Variants in DPP6 observed in about 807,000 individuals in gnomAD.
DPP6 encodes dipeptidyl peptidase like 6.
Under a neutral mutation model 122.6 loss-of-function variants are expected in DPP6, and 69 were observed. The ratio of observed to expected loss-of-function variants is 0.56; its 90% CI spans 0.46 to 0.69. The LOEUF (loss-of-function observed/expected upper bound fraction) is 0.69, where lower values mean the gene tolerates loss of function less well. DPP6 is among the 30% of genes least tolerant of loss of function. The pLI is 0.00. For missense variants in DPP6, 928 were observed against 1,116.9 expected, an observed-to-expected ratio of 0.83 and a Z score of 2.41; for synonymous variants, 418 against 433.1, an observed-to-expected ratio of 0.97 and a Z score of 0.43.
intron 1 of DPP6, among the ~76,000 whole-genome samples, chr7:154,099,908 CTGAGAG>C (rs1805611920): frequency 1.4e-5 from 2 of 138,284 alleles, no homozygotes; most frequent in Admixed American, 1.4e-4. Flanking sequence ...GGTGAAAGCA[CTGAGAG>C]TGTGTTCTGC....
intron 1 of DPP6, among the ~76,000 whole-genome samples, chr7:153,903,852 C>A (rs529798820): frequency 1.3e-5 from 2 of 152,082 alleles, no homozygotes; most frequent in African/African-American, 4.8e-5. Context: ...CTTTCTGTAT[C>A]CCAGGAAGTC....
At chr7:154,324,542 G>A (rs949407447) in intron 1 of DPP6, among the ~76,000 whole-genome samples, 1 of 152,144 alleles carries the variant, frequency 6.6e-6, no homozygotes, top group African/African-American at 2.4e-5. Context: ...CAGCATGACC[G>A]CCGGGTCTCC....
At chr7:154,724,505 C>G (rs1841970103) in intron 7 of DPP6, among the ~76,000 whole-genome samples, 1 of 152,212 alleles carries the variant, frequency 6.6e-6, no homozygotes, top group Admixed American at 6.5e-5. Flanking sequence ...GCCTGGCTCC[C>G]TTCTCTTCGC....
intron 1 of DPP6, among the ~76,000 whole-genome samples, chr7:154,139,014 A>G (rs529749205): frequency 1.4e-3 from 216 of 152,238 alleles, no homozygotes; most frequent in Non-Finnish European, 2.7e-3. Flanking sequence ...CTCTAAGAGC[A>G]GAGGAAGTAG....
At chr7:154,533,717 G>A (rs540545937) in intron 3 of DPP6, among the ~76,000 whole-genome samples, 1 of 152,212 alleles carries the variant, frequency 6.6e-6, no homozygotes, top group South Asian at 2.1e-4. Context: ...TCAACAATAG[G>A]CCTGGCATGG....
At chr7:154,179,407 T>C (rs1188302467) in intron 1 of DPP6, among the ~76,000 whole-genome samples, 1 of 152,106 alleles carries the variant, frequency 6.6e-6, no homozygotes, top group Non-Finnish European at 1.5e-5. Flanking sequence ...AATTAGAAAG[T>C]ATGGGTCTTA....
chr7:154,795,969 T>A, intron 12 of DPP6, 86 bp downstream of exon 12: 1 of 1,521,970 alleles, frequency 6.6e-7, no homozygotes, highest in Non-Finnish European at 8.8e-7. Flanking sequence ...AACAGCAGAA[T>A]GGCTTCTCAG....
intron 1 of DPP6, among the ~76,000 whole-genome samples, chr7:154,096,592 C>A (rs1805337310): frequency 6.6e-6 from 1 of 151,992 alleles, no homozygotes; most frequent in African/African-American, 2.4e-5. Context: ...TAAAATATTT[C>A]ATAATTAAAG....
chr7:153,783,655 C>T, the DPP6 span, among the ~76,000 whole-genome samples: 1 of 152,134 alleles, frequency 6.6e-6, no homozygotes, highest in Admixed American at 6.6e-5. Context: ...CTACCCAAAC[C>T]CTTTTAAAAT....
chr7:154,220,666 G>A (rs1319403294), intron 1 of DPP6, among the ~76,000 whole-genome samples: 2 of 152,182 alleles, frequency 1.3e-5, no homozygotes, highest in African/African-American at 4.8e-5. Flanking sequence ...GTTGGCACCT[G>A]GATCTTGGAA....
the DPP6 span, among the ~76,000 whole-genome samples, chr7:153,782,451 G>T: frequency 6.6e-6 from 1 of 152,208 alleles, no homozygotes; most frequent in African/African-American, 2.4e-5. Flanking sequence ...GCATCACAGA[G>T]AAAGAGAGCA....
At chr7:154,463,381 G>A (rs1439849793) in intron 2 of DPP6, among the ~76,000 whole-genome samples, 1 of 151,526 alleles carries the variant, frequency 6.6e-6, no homozygotes, top group African/African-American at 2.4e-5. Flanking sequence ...CTAATTTTTT[G>A]TGTTTTTAGT....
At chr7:154,124,294 T>C (rs1194958690) in intron 1 of DPP6, among the ~76,000 whole-genome samples, 1 of 152,192 alleles carries the variant, frequency 6.6e-6, no homozygotes, top group Non-Finnish European at 1.5e-5. Flanking sequence ...ATCCCTTGGC[T>C]GAAGCAGAGT....
At chr7:154,650,868 G>T (rs1327104410) in intron 6 of DPP6, among the ~76,000 whole-genome samples, 1 of 152,180 alleles carries the variant, frequency 6.6e-6, no homozygotes, top group Non-Finnish European at 1.5e-5. Context: ...AGTAGAGGGA[G>T]GTTGGAAGGA....
intron 1 of DPP6, among the ~76,000 whole-genome samples, chr7:154,075,203 G>T (rs1803470817): frequency 6.6e-6 from 1 of 151,712 alleles, no homozygotes; most frequent in African/African-American, 2.4e-5. Flanking sequence ...TACACTGCTT[G>T]TAGGAATGTA....
At chr7:154,121,826 G>A (rs539597896) in intron 1 of DPP6, among the ~76,000 whole-genome samples, 1 of 152,192 alleles carries the variant, frequency 6.6e-6, no homozygotes, top group Non-Finnish European at 1.5e-5. Flanking sequence ...GAGCATGCCA[G>A]TGTCATGTCC....
chr7:154,581,021 G>A (rs1048899876), intron 5 of DPP6, among the ~76,000 whole-genome samples: 5 of 152,020 alleles, frequency 3.3e-5, no homozygotes, highest in Admixed American at 6.6e-5. Context: ...TGTTCCCTCC[G>A]CTCCCAGACT....
At chr7:153,924,542 C>G (rs1158946707) in intron 1 of DPP6, among the ~76,000 whole-genome samples, 2 of 152,162 alleles carry the variant, frequency 1.3e-5, no homozygotes, top group East Asian at 1.9e-4. Context: ...AGATCTTATT[C>G]AATCTTTTAA....
chr7:154,356,098 A>G (rs1450960017), intron 1 of DPP6, among the ~76,000 whole-genome samples: 1 of 152,150 alleles, frequency 6.6e-6, no homozygotes, highest in Non-Finnish European at 1.5e-5. Context: ...AGGCTAATAT[A>G]AATGTTTTAT....
Sources: allele counts gnomAD v4.1 joint callset (sites outside exome capture counted in the v4.1 genomes callset), GRCh38; gene constraint gnomAD v4.1.1; transcripts MANE v1.5; gene names NCBI Gene and HGNC (gene_info 2026-07-23, HGNC 2026-07-21).